The following SEMA6D variants were observed in gnomAD, a reference collection of about 807,000 sequenced individuals.
The protein encoded by SEMA6D is semaphorin-6D.
A neutral mutation model predicts 106.6 loss-of-function variants in SEMA6D; 35 were observed. The ratio of observed to expected loss-of-function variants is 0.33; its 90% CI spans 0.25 to 0.44. The LOEUF is 0.44. Among genes scored for constraint, SEMA6D ranks in the 20% least tolerant of loss-of-function variants. SEMA6D has a pLI of 1.00. For missense variants in SEMA6D, 1,185 were observed against 1,345.9 expected (o/e 0.88, Z 1.87); for synonymous variants, 499 against 487.7 (o/e 1.02, Z -0.31).
intron 1 of SEMA6D, among the ~76,000 whole-genome samples, chr15:47,287,960 G>A (rs1349350382): frequency 6.6e-6 from 1 of 152,076 alleles, no homozygotes; most frequent in African/African-American, 2.4e-5. Context: ...AGGGGGAGAT[G>A]GTTTTTCACA....
chr15:47,199,897 G>A (rs909007979), intron 1 of SEMA6D, among the ~76,000 whole-genome samples: 5 of 152,114 alleles, frequency 3.3e-5, no homozygotes, highest in African/African-American at 4.8e-5. Context: ...AGTTACATAC[G>A]TTATTTCATT....
chr15:47,622,237 G>A (rs1566941234), intron 4 of SEMA6D, among the ~76,000 whole-genome samples: 1 of 151,468 alleles, frequency 6.6e-6, no homozygotes, highest in Non-Finnish European at 1.5e-5. Context: ...AAATATGGGA[G>A]GGATTGCTGA....
chr15:47,236,621 T>G (rs1232744090), intron 1 of SEMA6D, among the ~76,000 whole-genome samples: 1 of 152,204 alleles, frequency 6.6e-6, no homozygotes, highest in African/African-American at 2.4e-5. Context: ...TAATTCTGCC[T>G]GTCTTCAGAT....
chr15:47,207,160 T>C (rs1462082412), intron 1 of SEMA6D, among the ~76,000 whole-genome samples: 5 of 152,128 alleles, frequency 3.3e-5, no homozygotes. Context: ...TGAAAGAATT[T>C]TAAAAAGAAT....
intron 2 of SEMA6D, among the ~76,000 whole-genome samples, chr15:47,468,557 G>A (rs776979006): frequency 1.6e-4 from 25 of 152,152 alleles, no homozygotes; most frequent in African/African-American, 2.4e-4. Flanking sequence ...GCTGTGTTAC[G>A]TGGAGCGAGT....
intron 3 of SEMA6D, among the ~76,000 whole-genome samples, chr15:47,514,164 C>A (rs928008629): frequency 3.3e-5 from 5 of 152,148 alleles, no homozygotes; most frequent in Admixed American, 6.5e-5. Flanking sequence ...CTGCTTCCAG[C>A]AAAATTTGAG....
chr15:47,325,672 G>A (rs1478364592), intron 1 of SEMA6D, among the ~76,000 whole-genome samples: 1 of 152,066 alleles, frequency 6.6e-6, no homozygotes, highest in Non-Finnish European at 1.5e-5. Context: ...TATTGTCCCT[G>A]CTCTCTTCCG....
intron 2 of SEMA6D, among the ~76,000 whole-genome samples, chr15:47,416,013 A>G (rs543172739): frequency 1.3e-5 from 2 of 152,192 alleles, no homozygotes; most frequent in Non-Finnish European, 2.9e-5. Flanking sequence ...GCTAGAGAAG[A>G]ACGTTAACAT....
chr15:47,713,103 C>T (rs888779600), upstream of SEMA6D, among the ~76,000 whole-genome samples: 1 of 152,112 alleles, frequency 6.6e-6, no homozygotes, highest in Non-Finnish European at 1.5e-5. Context: ...ATTCTTATTT[C>T]GCTTGGGCAC....
chr15:47,566,570 A>G (rs2046234919), intron 3 of SEMA6D, among the ~76,000 whole-genome samples: 2 of 152,224 alleles, frequency 1.3e-5, no homozygotes, highest in Admixed American at 6.5e-5. Context: ...GTCATTTTCA[A>G]GAGCTTCTTA....
chr15:47,762,900 G>A, intron 8 of SEMA6D, 116 bp from the exon 9 acceptor site: 1 of 727,906 alleles, frequency 1.4e-6, no homozygotes, highest in Non-Finnish European at 2.2e-6. Flanking sequence ...GCAGATTGGA[G>A]TTCTTGTTGG....
At chr15:47,693,694 G>A (rs768138630) in intron 4 of SEMA6D, among the ~76,000 whole-genome samples, 1 of 152,080 alleles carries the variant, frequency 6.6e-6, no homozygotes, top group Non-Finnish European at 1.5e-5. Context: ...CAACACTTCG[G>A]GAGGGCAAGG....
chr15:47,559,065 T>C (rs1173422580), intron 3 of SEMA6D, among the ~76,000 whole-genome samples: 2 of 151,948 alleles, frequency 1.3e-5, no homozygotes, highest in Non-Finnish European at 2.9e-5. Flanking sequence ...GATTAAGAGA[T>C]TAGAAATGAA....
chr15:47,380,610 G>A (rs1006703737), intron 1 of SEMA6D: 4 of 152,198 alleles, frequency 2.6e-5, no homozygotes, highest in Admixed American at 6.5e-5. Context: ...AAATAAAATA[G>A]CCACATAAGC....
intron 1 of SEMA6D, among the ~76,000 whole-genome samples, chr15:47,308,768 T>G (rs1415358040): frequency 6.6e-6 from 1 of 152,212 alleles, no homozygotes; most frequent in Admixed American, 6.5e-5. Context: ...GGAGGGTTCA[T>G]GGGAGAAATT....
chr15:47,551,854 C>G (rs2045703897), intron 3 of SEMA6D, among the ~76,000 whole-genome samples: 1 of 152,068 alleles, frequency 6.6e-6, no homozygotes, highest in Non-Finnish European at 1.5e-5. Flanking sequence ...AAACATGTTG[C>G]TATGAAATTG....
chr15:47,278,369 G>T (rs576427327), intron 1 of SEMA6D, among the ~76,000 whole-genome samples: 1 of 152,158 alleles, frequency 6.6e-6, no homozygotes, highest in South Asian at 2.1e-4. Flanking sequence ...GCCAGTGATG[G>T]TGAGCATCTT....
At chr15:47,335,689 A>G (rs577628742) in intron 1 of SEMA6D, among the ~76,000 whole-genome samples, 1 of 152,292 alleles carries the variant, frequency 6.6e-6, no homozygotes, top group East Asian at 1.9e-4. Context: ...TGTGGTCTCA[A>G]CTTCCACATA....
chr15:47,767,362 C>G (rs2082399956), intron 17 of SEMA6D: 1 of 296,318 alleles, frequency 3.4e-6, no homozygotes, highest in African/African-American at 2.2e-5. Context: ...GCACGCACGC[C>G]CACCCAAGCT....
Sources: allele counts gnomAD v4.1 joint callset (sites outside exome capture counted in the v4.1 genomes callset), GRCh38; gene constraint gnomAD v4.1.1; transcripts MANE v1.5; gene names NCBI Gene and HGNC (gene_info 2026-07-23, HGNC 2026-07-21).